The following MAP3K3 variants were observed in gnomAD, a reference collection of about 807,000 sequenced individuals.
MAP3K3 encodes mitogen-activated protein kinase kinase kinase 3.
Under a neutral mutation model 80.9 loss-of-function variants are expected in MAP3K3, and 12 were observed. The observed-to-expected ratio is 0.15, with a 90% confidence interval of 0.10 to 0.24. The LOEUF is 0.24. MAP3K3 is among the 10% of genes least tolerant of loss of function. The probability of loss-of-function intolerance (pLI) is 1.00; values close to 1 mark genes in which losing one functional copy is unlikely to be tolerated. For missense variants in MAP3K3, 596 were observed against 834.7 expected, an observed-to-expected ratio of 0.71 and a Z score of 3.52; for synonymous variants, 272 against 307.1, an observed-to-expected ratio of 0.89 and a Z score of 1.19.
chr17:63,632,595 C>T, intron 1 of MAP3K3, 86 bp from the exon 2 acceptor site: 1 of 1,494,774 alleles, frequency 6.7e-7, no homozygotes, highest in African/African-American at 1.4e-5. Context: ...GGGCAGAACT[C>T]CCTGAGTATT....
At chr17:63,671,743 T>G (rs1018423345) in intron 6 of MAP3K3, among the ~76,000 whole-genome samples, 7 of 152,166 alleles carry the variant, frequency 4.6e-5, no homozygotes, top group African/African-American at 1.7e-4. Context: ...TGAGAAAATG[T>G]TTTTAAAATT....
At chr17:63,627,852 G>A (rs8064261) in intron 1 of MAP3K3, among the ~76,000 whole-genome samples, 42,245 of 151,732 alleles carry the variant, frequency 0.28, 6,255 homozygotes, top group Middle Eastern at 0.37. Flanking sequence ...CCAGAATGTT[G>A]GACTTACAGG....
At chr17:63,626,534 A>C (rs1263832369) in intron 1 of MAP3K3, among the ~76,000 whole-genome samples, 1 of 152,252 alleles carries the variant, frequency 6.6e-6, no homozygotes, top group Non-Finnish European at 1.5e-5. Flanking sequence ...ACCATCAATT[A>C]ATATTGAATG....
intron 1 of MAP3K3, among the ~76,000 whole-genome samples, chr17:63,624,323 C>T (rs2034056389): frequency 6.6e-6 from 1 of 151,950 alleles, no homozygotes; most frequent in African/African-American, 2.4e-5. Context: ...AGTCTTTTTT[C>T]TTGTCCTGTG....
At chr17:63,681,243 A>G (rs189390855) in intron 6 of MAP3K3, among the ~76,000 whole-genome samples, 281 of 152,118 alleles carry the variant, frequency 1.8e-3, no homozygotes, top group African/African-American at 6.4e-3. Context: ...ATACAAGTAG[A>G]GAACAAATAA....
rs1052372243 is a variant in MAP3K3 at position 63,693,008 on chromosome 17, C to T, written c.1653-541C>T. 2.0e-5 allele frequency among the ~76,000 whole-genome samples: 3 copies of T among 152,128 alleles called. No homozygotes were observed. The highest frequency in any genetic ancestry group is 2.9e-5 in the Non-Finnish European group (2 of 68,038). ...TCCTTACAGAAGGGTCTCAAGAGGT[C>T]AGAGTGGCTAATAGGAGGTGAGACA... On this transcript the variant is annotated intron_variant, in intron 15 of 15. Transcript: ENST00000361733. This position sits in a 1 kb window ranked among gnomAD's most constrained non-coding sequence, Gnocchi z 4.2.
Position 63,693,530 on chromosome 17 carries a change from C to T in MAP3K3, c.1653-19C>T, listed in dbSNP as rs745993881. On this transcript the variant is annotated intron_variant, in intron 15 of 15. Transcript: ENST00000361733. This position sits in a 1 kb window ranked among gnomAD's most constrained non-coding sequence, Gnocchi z 4.2. ...GTCCAGGGCTGGCTGAGGGGTGACA[C>T]GGGGTTCTCTCTTTCCAGGAGCCTG... is the stretch of plus-strand genomic sequence containing the variant. 7 of 1,590,146 alleles carry T rather than the reference C, an allele frequency of 4.4e-6. No homozygotes were observed. Among genetic ancestry groups the T allele is most frequent in the Admixed American group, 3.6e-5 (2 of 55,000 alleles).
In MAP3K3 at chr17:63,671,964, T is replaced by G. The variant is rs74544012; in HGVS notation, c.502+4904T>G. Among the ~76,000 whole-genome samples the G allele has an allele frequency of 9.1e-3, 1,381 of 151,080 alleles. 23 individuals carry two copies. The highest frequency in any genetic ancestry group is 0.031 in the African/African-American group (1,291 of 41,118). The stretch of plus-strand genomic sequence containing the variant: ...GAGTTTGAGCTTAGCCTAGACAACA[T>G]AATGAGACCCAATATCATTTAAAAA... On this transcript the variant is annotated intron_variant, in intron 6 of 15. Coordinates refer to ENST00000361733, the MANE Select transcript of MAP3K3 (RefSeq NM_002401.5).
intron 5 of MAP3K3, among the ~76,000 whole-genome samples, chr17:63,664,777 C>G (rs954998606): frequency 8.5e-5 from 13 of 152,190 alleles, no homozygotes; most frequent in African/African-American, 3.1e-4. Flanking sequence ...TCCTGTCACT[C>G]TGCGACAGTC....
chr17:63,678,156 G>T (rs530656909), intron 6 of MAP3K3, among the ~76,000 whole-genome samples: 1 of 152,218 alleles, frequency 6.6e-6, no homozygotes, highest in South Asian at 2.1e-4. Context: ...TGGCTTTGGG[G>T]CTTGGGTTTC....
chr17:63,692,473 C>A lies in MAP3K3; in HGVS notation c.1652+54C>A. ...CTTCCACCCAGGCCATAGTGGCCCCCCATTAGAAACACACCCTGGGGACTT... is the reference window on the plus strand; with the variant it reads ...CTTCCACCCAGGCCATAGTGGCCCCACATTAGAAACACACCCTGGGGACTT... On this transcript the variant is annotated intron_variant, in intron 15 of 15. Transcript: ENST00000361733. The surrounding 1 kb of genome is among the most constrained non-coding windows in gnomAD (Gnocchi z 4.5). 6.6e-7 allele frequency: 1 copy of A among 1,524,660 alleles called. No homozygotes were observed. The highest frequency in any genetic ancestry group is 8.8e-7 in the Non-Finnish European group (1 of 1,133,648). 94.4% of individuals were successfully genotyped at this position (1,524,660 alleles called of 1,614,324 possible). A position where few individuals can be genotyped will look rare whatever the true frequency, so the allele number is the denominator to read the frequency against.
At chr17:63,658,423 A>G (rs963366971) in intron 5 of MAP3K3, among the ~76,000 whole-genome samples, 1 of 152,112 alleles carries the variant, frequency 6.6e-6, no homozygotes, top group African/African-American at 2.4e-5. Flanking sequence ...GCTTTACCCA[A>G]TGGCAGGCAG....
intron 1 of MAP3K3, among the ~76,000 whole-genome samples, chr17:63,627,828 C>G (rs2034133022): frequency 6.6e-6 from 1 of 152,108 alleles, no homozygotes; most frequent in Non-Finnish European, 1.5e-5. Flanking sequence ...AAGTGATATG[C>G]CCGCCTTGGC....
In MAP3K3 at chr17:63,691,179, T is replaced by C. The variant is rs866311057; in HGVS notation, c.1290T>C (p.Cys430=). 3.7e-6 allele frequency: 6 copies of C among 1,614,210 alleles called. 1 individual carries two copies. Among genetic ancestry groups the C allele is most frequent in the Middle Eastern group, 3.3e-4 (2 of 6,062 alleles). Residue 430 remains cysteine, a synonymous_variant, in exon 13 of 16, where the codon TGT becomes TGC. Coordinates refer to ENST00000361733, the MANE Select transcript of MAP3K3 (RefSeq NM_002401.5). The surrounding 1 kb of genome is among the most constrained non-coding windows in gnomAD (Gnocchi z 4.8). ...AGCGCATCGTGCAGTACTATGGCTG[T>C]CTGCGGGACCGCGCTGAGAAGACCC... The part of the protein sequence containing the change: ...QHERIVQYYG[C]LRDRAEKTLT...
intron 2 of MAP3K3, among the ~76,000 whole-genome samples, chr17:63,642,656 T>A (rs1299201075): frequency 3.9e-5 from 6 of 152,084 alleles, no homozygotes; most frequent in African/African-American, 1.4e-4. Context: ...AGACTCTGTC[T>A]CAAAAAATAA....
chr17:63,639,536 T>C (rs535925665), intron 2 of MAP3K3, among the ~76,000 whole-genome samples: 20 of 152,212 alleles, frequency 1.3e-4, no homozygotes, highest in Admixed American at 1.2e-3. Context: ...AGAAGGAACA[T>C]GGTGAAAAAG....
At chr17:63,647,036 A>T (rs1232821429) in intron 3 of MAP3K3, among the ~76,000 whole-genome samples, 2 of 152,236 alleles carry the variant, frequency 1.3e-5, no homozygotes, top group African/African-American at 4.8e-5. Flanking sequence ...ACAGGACCTT[A>T]GTACCTCTAA....
rs1166527275 is a variant in MAP3K3, at chr17:63,695,861, A to C, written c.*2084A>C. 3 of 152,522 alleles carry C rather than the reference A, an allele frequency of 2.0e-5. No individual in the cohort carries two copies. The highest frequency in any genetic ancestry group is 4.4e-5 in the Non-Finnish European group (3 of 68,014). 9.4% of individuals were successfully genotyped at this position (152,522 alleles called of 1,614,324 possible). A position where few individuals can be genotyped will look rare whatever the true frequency, so the allele number is the denominator to read the frequency against. Reference sequence around the variant, plus strand: ...ACAGACCCTAATTTTTTTGTGCCAAAAACTGTGGACATGCTGGCTCAGCAT... The same window carrying C: ...ACAGACCCTAATTTTTTTGTGCCAACAACTGTGGACATGCTGGCTCAGCAT... On this transcript the variant is annotated 3_prime_UTR_variant, in exon 16 of 16. Coordinates refer to ENST00000361733, the MANE Select transcript of MAP3K3 (RefSeq NM_002401.5). This position sits in a 1 kb window ranked among gnomAD's most constrained non-coding sequence, Gnocchi z 4.1.
chr17:63,675,807 C>T (rs1418131918), intron 6 of MAP3K3, among the ~76,000 whole-genome samples: 1 of 152,186 alleles, frequency 6.6e-6, no homozygotes, highest in African/African-American at 2.4e-5. Flanking sequence ...AAGCCTGTGA[C>T]CCCTGCCTAT....
Sources: gnomAD v4.1 joint callset for allele counts (sites outside exome capture counted in the v4.1 genomes callset) on GRCh38, gnomAD v4.1.1 for gene constraint, Gnocchi (gnomAD v3.1) non-coding constraint, MANE v1.5 for transcripts, NCBI Gene and HGNC (gene_info 2026-07-23, HGNC 2026-07-21) for gene names.